ANKS4B: variants seen among roughly 807,000 people sequenced by gnomAD.
ANKS4B encodes ankyrin repeat and sterile alpha motif domain containing 4B, also known as ankyrin repeat and SAM domain-containing protein 4B.
ANKS4B carries 21 observed loss-of-function variants against 20.2 expected under a neutral mutation model. The observed-to-expected ratio is 1.04, with a 90% CI of 0.74 to 1.50. ANKS4B has a LOEUF of 1.50. Ranked by LOEUF, ANKS4B falls within the 40% of genes most tolerant of loss-of-function variation. The pLI, the probability that ANKS4B is intolerant of heterozygous loss-of-function variation, is 0.00. For missense variants in ANKS4B, 473 were observed against 494.6 expected (o/e 0.96, Z 0.41); for synonymous variants, 179 against 194.5 (o/e 0.92, Z 0.66).
Position 21,251,806 on chromosome 16 carries a change from A to G in ANKS4B, c.*986A>G, listed in dbSNP as rs2093339824. Reference sequence around the variant, plus strand: ...TTGTGGACTGAATTGCGTCAAATTCATATGTTGGAGCTCTAACCCCTAATG... The same window carrying G: ...TTGTGGACTGAATTGCGTCAAATTCGTATGTTGGAGCTCTAACCCCTAATG... On this transcript the variant is annotated 3_prime_UTR_variant, in exon 2 of 2. Coordinates refer to ENST00000311620, the MANE Select transcript of ANKS4B (RefSeq NM_145865.3). 6.6e-6 allele frequency: 1 copy of G among 152,238 alleles called. No homozygotes were observed. The highest frequency in any genetic ancestry group is 2.4e-5 in the African/African-American group (1 of 41,466). The allele number at this position is 152,238 out of a possible 1,614,324, so 9.4% of individuals were successfully genotyped here.
Position 21,250,562 on chromosome 16 carries a change from T to C in ANKS4B, c.996T>C (p.Asp332=). Residue 332 remains aspartate (D), a synonymous_variant, in exon 2 of 2, where the codon GAT becomes GAC. Transcript: ENST00000311620. ...GCCTCAAAGATGATCTGCCGTGGGATGACGATGAAGTGGAGTGGGAGGAAG... is the reference window on the plus strand; with the variant it reads ...GCCTCAAAGATGATCTGCCGTGGGACGACGATGAAGTGGAGTGGGAGGAAG... The part of the protein sequence containing the change: ...ENGLKDDLPW[D]DDEVEWEEDV... 1 of 1,614,118 alleles carries C rather than the reference T, an allele frequency of 6.2e-7. No homozygotes were observed. Among genetic ancestry groups the C allele is most frequent in the Non-Finnish European group, 8.5e-7 (1 of 1,180,012 alleles).
intron 1 of ANKS4B, among the ~76,000 whole-genome samples, chr16:21,241,782 T>C (rs2093326825): frequency 1.3e-5 from 2 of 152,212 alleles, no homozygotes; most frequent in Admixed American, 1.3e-4. Flanking sequence ...TTTAAAAATA[T>C]GTATACATTG....
intron 1 of ANKS4B, among the ~76,000 whole-genome samples, chr16:21,241,272 C>T (rs976221585): frequency 3.9e-5 from 6 of 152,148 alleles, no homozygotes; most frequent in East Asian, 3.8e-4. Context: ...GCTATCTTTA[C>T]GTCTGTGAGT....
Position 21,251,358 on chromosome 16 carries a change from A to G in ANKS4B, c.*538A>G, listed in dbSNP as rs1395772533. 1.9e-5 allele frequency: 3 copies of G among 154,000 alleles called. No individual in the cohort carries two copies. The highest frequency in any genetic ancestry group is 4.3e-5 in the Non-Finnish European group (3 of 69,326). 9.5% of individuals were successfully genotyped at this position (154,000 alleles called of 1,614,324 possible). A position where few individuals can be genotyped will look rare whatever the true frequency, so the allele number is the denominator to read the frequency against. Reference sequence around the variant, plus strand: ...TGGCCTCAAGCAATCCTCCCACCTCAGCCTCCTAAAGCACTGGGATTACAG... The same window carrying G: ...TGGCCTCAAGCAATCCTCCCACCTCGGCCTCCTAAAGCACTGGGATTACAG... On this transcript the variant is annotated 3_prime_UTR_variant, in exon 2 of 2. Transcript: ENST00000311620.
chr16:21,239,085 G>A (rs2093323434), intron 1 of ANKS4B: 1 of 152,192 alleles, frequency 6.6e-6, no homozygotes, highest in African/African-American at 2.4e-5. Context: ...AGTCAGAATG[G>A]CTATTATAAC....
At chr16:21,238,903 A>G (rs2093323288) in intron 1 of ANKS4B, 1 of 152,166 alleles carries the variant, frequency 6.6e-6, no homozygotes, top group African/African-American at 2.4e-5. Context: ...CATTGCCCTC[A>G]AAAGCATCTG....
At chr16:21,243,881 G>C (rs748662060) in intron 1 of ANKS4B, 1 of 151,986 alleles carries the variant, frequency 6.6e-6, no homozygotes, top group African/African-American at 2.4e-5. Context: ...CCAAAGTTTT[G>C]CAAGTTTTAA....
intron 1 of ANKS4B, among the ~76,000 whole-genome samples, chr16:21,245,884 A>T (rs553460723): frequency 6.6e-6 from 1 of 152,242 alleles, no homozygotes; most frequent in South Asian, 2.1e-4. Context: ...GGGCAAGGAT[A>T]ATAAGTAATG....
At chr16:21,234,773 A>G (rs986388310) in intron 1 of ANKS4B, among the ~76,000 whole-genome samples, 2 of 152,182 alleles carry the variant, frequency 1.3e-5, no homozygotes, top group Admixed American at 6.5e-5. Flanking sequence ...GTGATCAACA[A>G]GACAGCCACA....
chr16:21,241,762 C>T (rs2093326799), intron 1 of ANKS4B, among the ~76,000 whole-genome samples: 1 of 152,090 alleles, frequency 6.6e-6, no homozygotes, highest in Non-Finnish European at 1.5e-5. Flanking sequence ...TTATGGTGTA[C>T]AACGTGATTT....
chr16:21,240,169 A>G (rs1362292833), intron 1 of ANKS4B, among the ~76,000 whole-genome samples: 1 of 152,178 alleles, frequency 6.6e-6, no homozygotes, highest in African/African-American at 2.4e-5. Flanking sequence ...CAATCATTAC[A>G]TGTATTTTCC....
chr16:21,242,642 A>G (rs1403994958), intron 1 of ANKS4B, among the ~76,000 whole-genome samples: 1 of 152,186 alleles, frequency 6.6e-6, no homozygotes, highest in Non-Finnish European at 1.5e-5. Context: ...ATAGTATTCC[A>G]TTGTGTGGAG....
intron 1 of ANKS4B, among the ~76,000 whole-genome samples, chr16:21,239,125 G>A (rs1029017844): frequency 6.6e-6 from 1 of 152,214 alleles, no homozygotes; most frequent in Non-Finnish European, 1.5e-5. Context: ...TGGTGAGGTT[G>A]AGGAGAAAAG....
chr16:21,248,714 G>A (rs559469915), intron 1 of ANKS4B, among the ~76,000 whole-genome samples: 4 of 152,044 alleles, frequency 2.6e-5, no homozygotes, highest in Non-Finnish European at 5.9e-5. Context: ...CTGGACGACA[G>A]AGCAAGACTT....
At chr16:21,246,294 G>T (rs2093332189) in intron 1 of ANKS4B, among the ~76,000 whole-genome samples, 1 of 152,190 alleles carries the variant, frequency 6.6e-6, no homozygotes, top group South Asian at 2.1e-4. Flanking sequence ...GAGAACAAAG[G>T]AAGGAGAAAG....
chr16:21,235,924 G>T (rs899169283), intron 1 of ANKS4B, among the ~76,000 whole-genome samples: 10 of 152,132 alleles, frequency 6.6e-5, no homozygotes, highest in African/African-American at 1.2e-4. Context: ...TCAGCCTAGG[G>T]TTCCCCAGCT....
At chr16:21,246,388 C>A (rs1021797143) in intron 1 of ANKS4B, among the ~76,000 whole-genome samples, 4 of 152,078 alleles carry the variant, frequency 2.6e-5, no homozygotes, top group African/African-American at 9.7e-5. Flanking sequence ...GTTTGGACTA[C>A]TATAAGTATG....
chr16:21,235,122 A>G (rs986169448), intron 1 of ANKS4B, among the ~76,000 whole-genome samples: 3 of 152,180 alleles, frequency 2.0e-5, no homozygotes, highest in African/African-American at 7.2e-5. Context: ...TGCTGGGATT[A>G]CAGCTGTGAG....
At chr16:21,234,521 C>CACACACA (rs71151624) in intron 1 of ANKS4B, among the ~76,000 whole-genome samples, 2 of 149,324 alleles carry the variant, frequency 1.3e-5, no homozygotes, top group African/African-American at 2.5e-5. Flanking sequence ...CACACACACA[C>CACACACA]CCCATCTCTT....
Sources: allele counts gnomAD v4.1 joint callset (sites outside exome capture counted in the v4.1 genomes callset), GRCh38; gene constraint gnomAD v4.1.1; transcripts MANE v1.5; gene names NCBI Gene and HGNC (gene_info 2026-07-23, HGNC 2026-07-21).